Variants in RFX3 observed in about 807,000 individuals in gnomAD.
RFX3 encodes the protein regulatory factor X3, also known as transcription factor RFX3.
RFX3 carries 14 observed loss-of-function variants against 98.6 expected under a neutral mutation model. That is an observed-to-expected ratio of 0.14 (90% confidence interval 0.09 to 0.22). The LOEUF (loss-of-function observed/expected upper bound fraction) is 0.22. Among genes scored for constraint, RFX3 ranks in the 10% least tolerant of loss-of-function variants. The probability of loss-of-function intolerance (pLI) is 1.00; values close to 1 mark genes in which losing one functional copy is unlikely to be tolerated. For synonymous variants in RFX3, 383 were observed against 328.4 expected, an observed-to-expected ratio of 1.17 and a Z score of -1.80; for missense variants, 639 against 926.9, an observed-to-expected ratio of 0.69 and a Z score of 4.03.
chr9:3,341,415 T>G (rs1196792692), intron 3 of RFX3, among the ~76,000 whole-genome samples: 1 of 129,412 alleles, frequency 7.7e-6, no homozygotes, highest in Non-Finnish European at 1.5e-5. Flanking sequence ...AATAATAAAA[T>G]TAAAAAAAAA....
intron 2 of RFX3, among the ~76,000 whole-genome samples, chr9:3,347,940 AC>A (rs1271754492): frequency 7.9e-5 from 12 of 152,224 alleles, no homozygotes; most frequent in Non-Finnish European, 1.8e-4. Context: ...CATTTATGAA[AC>A]ATTAACTATT....
intron 4 of RFX3, among the ~76,000 whole-genome samples, chr9:3,322,990 A>G (rs546262768): frequency 6.6e-6 from 1 of 152,340 alleles, no homozygotes; most frequent in East Asian, 1.9e-4. Context: ...TACACTTAGT[A>G]AATTTTAAGT....
intron 1 of RFX3, among the ~76,000 whole-genome samples, chr9:3,451,217 A>G (rs1455855245): frequency 6.6e-6 from 1 of 152,228 alleles, no homozygotes; most frequent in Non-Finnish European, 1.5e-5. Context: ...ATTATAACCC[A>G]AAAATCATAT....
intron 16 of RFX3, among the ~76,000 whole-genome samples, chr9:3,228,317 T>C (rs1438056533): frequency 6.6e-6 from 1 of 152,244 alleles, no homozygotes; most frequent in Non-Finnish European, 1.5e-5. Context: ...CATATTATAC[T>C]GTATATTAGA....
intron 1 of RFX3, among the ~76,000 whole-genome samples, chr9:3,451,885 T>C (rs1846670530): frequency 6.6e-6 from 1 of 152,096 alleles, no homozygotes; most frequent in African/African-American, 2.4e-5. Context: ...TGAAGTTTGC[T>C]ATCTGGCTTA....
At chr9:3,506,734 G>A (rs987408795) in intron 1 of RFX3, among the ~76,000 whole-genome samples, 2 of 151,672 alleles carry the variant, frequency 1.3e-5, no homozygotes, top group African/African-American at 2.4e-5. Context: ...AGAATGAGGT[G>A]ACAGAATGTC....
intron 2 of RFX3, among the ~76,000 whole-genome samples, chr9:3,385,469 C>T (rs1022935863): frequency 6.6e-6 from 1 of 151,848 alleles, no homozygotes; most frequent in African/African-American, 2.4e-5. Context: ...TGAGAACTTT[C>T]GGAGGCTGAG....
intron 3 of RFX3, among the ~76,000 whole-genome samples, chr9:3,339,067 C>G (rs1013521884): frequency 2.0e-5 from 3 of 151,834 alleles, no homozygotes; most frequent in Admixed American, 2.0e-4. Flanking sequence ...CCAGCCTGGG[C>G]GACAGAGCAA....
chr9:3,413,655 A>C lies in RFX3; in HGVS notation c.-8-18059T>G, dbSNP rs141635363. Among the ~76,000 whole-genome samples the C allele has an allele frequency of 8.5e-5, 13 of 152,214 alleles. No individual in the cohort carries two copies. The East Asian group carries it at 2.5e-3, about 29-fold the overall frequency. ...CTCCTTGCTCTGAAGACAAGGAACAAATGCTTCCTGAATGTGAAATTCACC... is the reference window on the plus strand; with the variant it reads ...CTCCTTGCTCTGAAGACAAGGAACACATGCTTCCTGAATGTGAAATTCACC... On this transcript the variant is annotated intron_variant, in intron 1 of 16. Coordinates refer to ENST00000617270, the MANE Select transcript of RFX3 (RefSeq NM_001282116.2).
At chr9:3,490,009 T>G (rs1180721582) in intron 1 of RFX3, among the ~76,000 whole-genome samples, 1 of 150,912 alleles carries the variant, frequency 6.6e-6, no homozygotes, top group African/African-American at 2.4e-5. Flanking sequence ...GAAAGCTAGG[T>G]TAACTGAAGC....
At chr9:3,438,446 A>C (rs1041434882) in intron 1 of RFX3, among the ~76,000 whole-genome samples, 2 of 152,058 alleles carry the variant, frequency 1.3e-5, no homozygotes, top group Non-Finnish European at 1.5e-5. Context: ...TGGTGTAAAA[A>C]CAGAAAGAAG....
At chr9:3,290,783 A>G (rs1165421072) in intron 6 of RFX3, among the ~76,000 whole-genome samples, 2 of 152,204 alleles carry the variant, frequency 1.3e-5, no homozygotes, top group African/African-American at 4.8e-5. Flanking sequence ...AATTCATGCT[A>G]ATACATACAG....
Position 3,366,134 on chromosome 9 carries a change from C to T in RFX3, c.118-19370G>A, listed in dbSNP as rs561009633. 5.3e-5 allele frequency among the ~76,000 whole-genome samples: 8 copies of T among 152,120 alleles called. No individual in the cohort carries two copies. In the East Asian group the frequency reaches 1.6e-3, roughly 30 times the overall value. ...ATACTAGCTCCTAAATGTCTTGGCTCACAAATAATACATGGTACTGTTGCT... is the reference window on the plus strand; with the variant it reads ...ATACTAGCTCCTAAATGTCTTGGCTTACAAATAATACATGGTACTGTTGCT... On this transcript the variant is annotated intron_variant, in intron 2 of 16. Transcript: ENST00000617270.
intron 15 of RFX3, chr9:3,247,621 A>G: frequency 7.5e-7 from 1 of 1,337,376 alleles, no homozygotes; most frequent in Non-Finnish European, 9.6e-7. Context: ...AAATAGAATC[A>G]TTTACTTTGT....
intron 14 of RFX3, among the ~76,000 whole-genome samples, chr9:3,253,710 A>G (rs1181942014): frequency 6.6e-6 from 1 of 152,212 alleles, no homozygotes; most frequent in East Asian, 1.9e-4. Context: ...ATGTAAATAT[A>G]TACAAAAAAT....
At chr9:3,392,963 T>G (rs760486942) in intron 2 of RFX3, among the ~76,000 whole-genome samples, 9 of 149,982 alleles carry the variant, frequency 6.0e-5, no homozygotes, top group Non-Finnish European at 1.3e-4. Context: ...AAAATATAAC[T>G]TATAGGTTGA....
At chr9:3,358,537 C>G (rs1488321498) in intron 2 of RFX3, among the ~76,000 whole-genome samples, 1 of 151,984 alleles carries the variant, frequency 6.6e-6, no homozygotes, top group Non-Finnish European at 1.5e-5. Flanking sequence ...TACAGTACAA[C>G]GTAAAAATAG....
chr9:3,256,640 G>A (rs929337902), intron 14 of RFX3, among the ~76,000 whole-genome samples: 1 of 152,170 alleles, frequency 6.6e-6, no homozygotes, highest in Non-Finnish European at 1.5e-5. Context: ...TAGGCCTCAA[G>A]AAAGAAGCCT....
chr9:3,281,615 C>T (rs1287778160), intron 7 of RFX3, among the ~76,000 whole-genome samples: 1 of 151,692 alleles, frequency 6.6e-6, no homozygotes, highest in African/African-American at 2.4e-5. Context: ...TAACAGCTTG[C>T]AACTCAATGG....
Sources: gnomAD v4.1 joint callset for allele counts (sites outside exome capture counted in the v4.1 genomes callset) on GRCh38, gnomAD v4.1.1 for gene constraint, MANE v1.5 for transcripts, NCBI Gene and HGNC (gene_info 2026-07-23, HGNC 2026-07-21) for gene names.